NRG3: variants seen among roughly 807,000 people sequenced by gnomAD.
The protein encoded by NRG3 is neuregulin 3.
A neutral mutation model predicts 66.9 loss-of-function variants in NRG3; 31 were observed. That is an observed-to-expected ratio of 0.46 (90% confidence interval 0.35 to 0.63). The LOEUF (loss-of-function observed/expected upper bound fraction) is 0.63, where lower values mean the gene tolerates loss of function less well. Ranked by LOEUF, NRG3 falls within the 20% of genes least tolerant of loss-of-function variation. The probability of loss-of-function intolerance (pLI) is 0.00; values close to 1 mark genes in which losing one functional copy is unlikely to be tolerated. For synonymous variants in NRG3, 393 were observed against 359.4 expected, an observed-to-expected ratio of 1.09 and a Z score of -1.06; for missense variants, 910 against 878.9, an observed-to-expected ratio of 1.04 and a Z score of -0.45.
At chr10:82,223,642 A>ACACACAC (rs2076037746) in intron 1 of NRG3, among the ~76,000 whole-genome samples, 1 of 137,926 alleles carries the variant, frequency 7.3e-6, no homozygotes, top group African/African-American at 2.8e-5. Context: ...AACCACCCCA[A>ACACACAC]ACACACACAC....
At chr10:82,530,411 A>G (rs1847135875) in intron 2 of NRG3, among the ~76,000 whole-genome samples, 1 of 152,026 alleles carries the variant, frequency 6.6e-6, no homozygotes, top group Non-Finnish European at 1.5e-5. Flanking sequence ...ACTAATGCTT[A>G]TTATTAAATA....
At chr10:82,249,822 T>C (rs2077404200) in intron 1 of NRG3, among the ~76,000 whole-genome samples, 2 of 152,210 alleles carry the variant, frequency 1.3e-5, no homozygotes, top group Non-Finnish European at 2.9e-5. Flanking sequence ...TTCTATCACA[T>C]TTGGCTTAGG....
At chr10:81,962,400 A>T (rs1441093287) in intron 1 of NRG3, among the ~76,000 whole-genome samples, 1 of 152,284 alleles carries the variant, frequency 6.6e-6, no homozygotes, top group East Asian at 1.9e-4. Flanking sequence ...AATCCTTTAG[A>T]TATGTTATTA....
At chr10:82,299,114 G>T (rs1290235286) in intron 1 of NRG3, among the ~76,000 whole-genome samples, 2 of 152,138 alleles carry the variant, frequency 1.3e-5, no homozygotes, top group Admixed American at 6.5e-5. Flanking sequence ...GGTTTAAAAT[G>T]ATGGGTCAGC....
chr10:81,955,621 C>A (rs1849757181), intron 1 of NRG3, among the ~76,000 whole-genome samples: 1 of 152,062 alleles, frequency 6.6e-6, no homozygotes, highest in Non-Finnish European at 1.5e-5. Flanking sequence ...ATTCAAGTAC[C>A]TACTTAGTAG....
At chr10:82,538,593 T>C (rs2043321739) in intron 2 of NRG3, among the ~76,000 whole-genome samples, 1 of 152,066 alleles carries the variant, frequency 6.6e-6, no homozygotes, top group African/African-American at 2.4e-5. Context: ...CTATGTTCCA[T>C]ACCTAAGATG....
intron 2 of NRG3, among the ~76,000 whole-genome samples, chr10:82,580,571 T>C (rs1396684856): frequency 6.6e-6 from 1 of 152,008 alleles, no homozygotes. Context: ...CTCCCCTGGT[T>C]CCTGGCAACT....
chr10:81,900,870 A>T (rs1035785745), intron 1 of NRG3, among the ~76,000 whole-genome samples: 3 of 152,144 alleles, frequency 2.0e-5, no homozygotes, highest in Non-Finnish European at 4.4e-5. Flanking sequence ...TAATAGTAAT[A>T]ATAGAAAGTA....
chr10:82,394,109 T>G (rs1040481743), intron 2 of NRG3, among the ~76,000 whole-genome samples: 1 of 152,146 alleles, frequency 6.6e-6, no homozygotes, highest in Non-Finnish European at 1.5e-5. Context: ...AACATCACAC[T>G]GTGCTATTTC....
chr10:82,260,402 C>T (rs571430214), intron 1 of NRG3, among the ~76,000 whole-genome samples: 2 of 152,234 alleles, frequency 1.3e-5, no homozygotes, highest in South Asian at 4.1e-4. Flanking sequence ...TGACATGTGC[C>T]CTGGATTAAG....
At chr10:82,920,589 G>A (rs1453449998) in intron 4 of NRG3, among the ~76,000 whole-genome samples, 1 of 152,050 alleles carries the variant, frequency 6.6e-6, no homozygotes, top group African/African-American at 2.4e-5. Context: ...TCAGATCTTG[G>A]TTTCTAAAAC....
chr10:82,938,420 A>G (rs906215467), intron 4 of NRG3, among the ~76,000 whole-genome samples: 1 of 152,198 alleles, frequency 6.6e-6, no homozygotes, highest in Non-Finnish European at 1.5e-5. Flanking sequence ...TGCCTGCTCT[A>G]TGCAGTCTGA....
In NRG3 at chr10:82,406,519, C is replaced by T. The variant is rs1415042242; in HGVS notation, c.953+47651C>T. On this transcript the variant is annotated intron_variant, in intron 2 of 8. Coordinates refer to ENST00000372141, the MANE Select transcript of NRG3 (RefSeq NM_001010848.4). The stretch of plus-strand genomic sequence containing the variant: ...CTTCTCCTTCAGTCACTTCTCAATT[C>T]TACCTCAAAAGCTCAGACTCTTAAA... Among the ~76,000 whole-genome samples, 3 of 152,116 alleles carry T rather than the reference C, an allele frequency of 2.0e-5. No homozygotes were observed. The East Asian group carries it at 5.8e-4, about 29-fold the overall frequency.
intron 1 of NRG3, among the ~76,000 whole-genome samples, chr10:82,342,597 G>T (rs1407593533): frequency 2.0e-5 from 3 of 151,752 alleles, no homozygotes; most frequent in Non-Finnish European, 4.4e-5. Context: ...TATGTGTTTT[G>T]CCCCCTTTTT....
intron 1 of NRG3, among the ~76,000 whole-genome samples, chr10:81,937,329 T>A (rs1398195742): frequency 1.3e-5 from 2 of 152,114 alleles, no homozygotes; most frequent in African/African-American, 4.8e-5. Flanking sequence ...GTAATTTATT[T>A]ATTTTTTTTG....
chr10:82,251,418 G>A (rs1001253350), intron 1 of NRG3, among the ~76,000 whole-genome samples: 1 of 152,128 alleles, frequency 6.6e-6, no homozygotes, highest in Non-Finnish European at 1.5e-5. Flanking sequence ...GGCCCTGCAG[G>A]TACCGAGAAG....
chr10:82,146,808 G>A (rs1201819534), intron 1 of NRG3, among the ~76,000 whole-genome samples: 1 of 152,076 alleles, frequency 6.6e-6, no homozygotes, highest in Admixed American at 6.6e-5. Flanking sequence ...ATTTCTTTTT[G>A]TCTCCATCAC....
intron 1 of NRG3, among the ~76,000 whole-genome samples, chr10:82,134,826 T>A (rs1311274077): frequency 6.6e-6 from 1 of 151,994 alleles, no homozygotes; most frequent in Admixed American, 6.6e-5. Flanking sequence ...AAATTTAAAT[T>A]TATATAAAAA....
At chr10:82,275,740 A>C (rs1474140536) in intron 1 of NRG3, among the ~76,000 whole-genome samples, 2 of 152,034 alleles carry the variant, frequency 1.3e-5, no homozygotes. Context: ...TTAACTTTCA[A>C]AAATCTTAAA....
Sources: gnomAD v4.1 joint callset for allele counts (sites outside exome capture counted in the v4.1 genomes callset) on GRCh38, gnomAD v4.1.1 for gene constraint, MANE v1.5 for transcripts, NCBI Gene and HGNC (gene_info 2026-07-23, HGNC 2026-07-21) for gene names.